IFT88: variants seen among roughly 807,000 people sequenced by gnomAD.
IFT88 encodes intraflagellar transport 88.
IFT88 carries 74 observed loss-of-function variants against 119.5 expected under a neutral mutation model. That is an observed-to-expected ratio of 0.62 (90% CI 0.51 to 0.75). The LOEUF (loss-of-function observed/expected upper bound fraction) is 0.75. Ranked by LOEUF, IFT88 falls within the 30% of genes least tolerant of loss-of-function variation. The pLI, the probability that IFT88 is intolerant of heterozygous loss-of-function variation, is 0.00. For synonymous variants in IFT88, 279 were observed against 316.7 expected (o/e 0.88, Z 1.26); for missense variants, 961 against 977.7 (o/e 0.98, Z 0.23).
chr13:20,621,526 T>TAAAAAA (rs200491393), intron 14 of IFT88, among the ~76,000 whole-genome samples: 1,351 of 130,300 alleles, frequency 0.01, 30 homozygotes, highest in Non-Finnish European at 0.013. Flanking sequence ...CCTGCTGAGA[T>TAAAAAA]AAAAAAAAAA....
intron 3 of IFT88, among the ~76,000 whole-genome samples, chr13:20,589,370 T>A (rs1427202171): frequency 6.6e-6 from 1 of 152,210 alleles, no homozygotes; most frequent in East Asian, 1.9e-4. Context: ...TACTTTGTAT[T>A]CTTATTTAAA....
In IFT88 at chr13:20,679,146, A is replaced by G. The variant is rs150228141; in HGVS notation, c.2242+8107A>G. Reference sequence around the variant, plus strand: ...TCATTATACAGATGAGGAGTAATGCAAAAATCAGAAGTATTCCAATCACAT... The same window carrying G: ...TCATTATACAGATGAGGAGTAATGCGAAAATCAGAAGTATTCCAATCACAT... On this transcript the variant is annotated intron_variant, in intron 24 of 25. Transcript: ENST00000351808. Among the ~76,000 whole-genome samples the G allele has an allele frequency of 1.5e-3, 231 of 152,360 alleles. 5 individuals carry two copies. The East Asian group carries it at 0.041, about 27-fold the overall frequency.
chr13:20,614,539 G>A (rs940143562), intron 13 of IFT88: 1 of 152,144 alleles, frequency 6.6e-6, no homozygotes, highest in South Asian at 2.1e-4. Context: ...CTGGAGATCA[G>A]ATTAATGGTT....
intron 20 of IFT88, among the ~76,000 whole-genome samples, chr13:20,646,026 T>C (rs1215318268): frequency 3.3e-5 from 5 of 152,236 alleles, no homozygotes; most frequent in Non-Finnish European, 5.9e-5. Context: ...ACTCTAACAT[T>C]AGCCATTAGC....
intron 13 of IFT88, chr13:20,608,016 C>T: frequency 1.8e-6 from 1 of 570,996 alleles, no homozygotes; most frequent in Non-Finnish European, 3.3e-6. Context: ...TCACCAGAGC[C>T]CACTGGAGAA....
intron 20 of IFT88, among the ~76,000 whole-genome samples, chr13:20,651,766 T>A (rs73433352): frequency 6.6e-6 from 1 of 151,974 alleles, no homozygotes; most frequent in African/African-American, 2.4e-5. Flanking sequence ...TATGTTTGTA[T>A]AGGAAAAAAA....
At chr13:20,665,676 C>G (rs889424989) in intron 23 of IFT88, among the ~76,000 whole-genome samples, 3 of 152,206 alleles carry the variant, frequency 2.0e-5, no homozygotes, top group Admixed American at 1.3e-4. Context: ...ATGCATTGCC[C>G]TGTGTTAGCC....
At chr13:20,580,853 G>A (rs1464553747) in intron 2 of IFT88, among the ~76,000 whole-genome samples, 3 of 151,188 alleles carry the variant, frequency 2.0e-5, no homozygotes, top group Non-Finnish European at 4.4e-5. Flanking sequence ...AGCCTCCTGA[G>A]TAGCTGGGAC....
rs9552247 is a variant in IFT88 at position 20,583,185 on chromosome 13, A to G, written c.153+166A>G. On this transcript the variant is annotated intron_variant, in intron 3 of 25. Transcript: ENST00000351808. The stretch of plus-strand genomic sequence containing the variant: ...TTCAGAAGTTTTTCATCTTGTATAT[A>G]TGAAAGTCTGTATCCATTAAACAAA... Among the ~76,000 whole-genome samples, 565 of 152,224 alleles carry G rather than the reference A, an allele frequency of 3.7e-3. 27 individuals carry two copies. The East Asian group carries it at 0.1, about 27-fold the overall frequency.
chr13:20,640,344 C>T (rs2049702140), intron 17 of IFT88, among the ~76,000 whole-genome samples: 1 of 150,698 alleles, frequency 6.6e-6, no homozygotes, highest in African/African-American at 2.4e-5. Context: ...AGGGCCAAGG[C>T]AGGCGGATCA....
Position 20,587,783 on chromosome 13 carries a change from T to G in IFT88, c.154-2028T>G, listed in dbSNP as rs2039961463. ...AATATGTTGTTATAGCTATACAAGCTCTTTGTCTAGCATTTTTATTGTATG... is the reference window on the plus strand; with the variant it reads ...AATATGTTGTTATAGCTATACAAGCGCTTTGTCTAGCATTTTTATTGTATG... On this transcript the variant is annotated intron_variant, in intron 3 of 25. Coordinates refer to ENST00000351808, the MANE Select transcript of IFT88 (RefSeq NM_006531.5). 2.0e-5 allele frequency among the ~76,000 whole-genome samples: 3 copies of G among 152,310 alleles called. No individual in the cohort carries two copies. The South Asian group carries it at 6.2e-4, about 32-fold the overall frequency.
Position 20,585,036 on chromosome 13 carries a change from T to C in IFT88, c.153+2017T>C, listed in dbSNP as rs187379833. On this transcript the variant is annotated intron_variant, in intron 3 of 25. Transcript: ENST00000351808. ...GATGAAGTGTCCTTCTGCTGTTATC[T>C]TCCCTCACTTTGTCATGTTCTCCCG... Among the ~76,000 whole-genome samples the C allele has an allele frequency of 7.9e-5, 12 of 152,368 alleles. No individual in the cohort carries two copies. In the East Asian group the frequency reaches 2.3e-3, roughly 29 times the overall value.
chr13:20,629,564 T>G (rs1566265056), intron 15 of IFT88, among the ~76,000 whole-genome samples: 1 of 152,186 alleles, frequency 6.6e-6, no homozygotes, highest in African/African-American at 2.4e-5. Flanking sequence ...GTGCAAATAA[T>G]AATAAATAAA....
Position 20,652,017 on chromosome 13 carries a change from C to T in IFT88, c.1950-1859C>T, listed in dbSNP as rs551027441. 4.6e-5 allele frequency among the ~76,000 whole-genome samples: 7 copies of T among 152,154 alleles called. No individual in the cohort carries two copies. The South Asian group carries it at 1.4e-3, about 32-fold the overall frequency. ...ACTTACATGAAGTGTCTAAAATGGG[C>T]AAATTTGTAGAGATAGAAAGTAGAT... On this transcript the variant is annotated intron_variant, in intron 20 of 25. Coordinates refer to ENST00000351808, the MANE Select transcript of IFT88 (RefSeq NM_006531.5).
intron 24 of IFT88, among the ~76,000 whole-genome samples, chr13:20,676,074 A>G (rs2056625582): frequency 6.6e-6 from 1 of 152,140 alleles, no homozygotes; most frequent in Non-Finnish European, 1.5e-5. Flanking sequence ...GTTGTTTACA[A>G]CTCACCCACC....
intron 1 of IFT88, among the ~76,000 whole-genome samples, chr13:20,570,133 A>T (rs978189452): frequency 6.6e-6 from 1 of 152,314 alleles, no homozygotes; most frequent in South Asian, 2.1e-4. Flanking sequence ...ACTCAACATC[A>T]TTAGTCATCA....
At chr13:20,669,024 T>G (rs1248696791) in intron 23 of IFT88, among the ~76,000 whole-genome samples, 2 of 152,110 alleles carry the variant, frequency 1.3e-5, no homozygotes, top group African/African-American at 4.8e-5. Context: ...CCCAGCACAG[T>G]GTCCTGGGAG....
At chr13:20,572,323 A>T (rs1006547563) in intron 1 of IFT88, among the ~76,000 whole-genome samples, 1 of 152,010 alleles carries the variant, frequency 6.6e-6, no homozygotes, top group African/African-American at 2.4e-5. Flanking sequence ...GGTTCAAGCG[A>T]TTCTCGTGCC....
intron 1 of IFT88, among the ~76,000 whole-genome samples, chr13:20,574,052 C>T (rs1319047981): frequency 3.3e-5 from 5 of 152,152 alleles, no homozygotes; most frequent in Admixed American, 2.6e-4. Flanking sequence ...TCTGGCCTGG[C>T]GTGGTGGCTC....
Sources: gnomAD v4.1 joint callset for allele counts (sites outside exome capture counted in the v4.1 genomes callset) on GRCh38, gnomAD v4.1.1 for gene constraint, MANE v1.5 for transcripts, NCBI Gene and HGNC (gene_info 2026-07-23, HGNC 2026-07-21) for gene names.